The following RBMS3 variants were observed in gnomAD, a reference collection of about 807,000 sequenced individuals.
The protein encoded by RBMS3 is RNA-binding motif, single-stranded-interacting protein 3.
Under a neutral mutation model 66.8 loss-of-function variants are expected in RBMS3, and 27 were observed. That is an observed-to-expected ratio of 0.40 (90% CI 0.30 to 0.56). The LOEUF is 0.56. Ranked by LOEUF, RBMS3 falls within the 20% of genes least tolerant of loss-of-function variation. The pLI, the probability that RBMS3 is intolerant of heterozygous loss-of-function variation, is 0.40. For missense variants in RBMS3, 513 were observed against 549.5 expected, an observed-to-expected ratio of 0.93 and a Z score of 0.66; for synonymous variants, 188 against 183.0, an observed-to-expected ratio of 1.03 and a Z score of -0.22.
chr3:29,388,111 A>ACG (rs1491427389), intron 1 of RBMS3, among the ~76,000 whole-genome samples: 96 of 140,110 alleles, frequency 6.9e-4, no homozygotes, highest in Middle Eastern at 3.6e-3. Context: ...ACACACACAC[A>ACG]TGTGTGTGTA....
chr3:29,793,909 C>T (rs2057094003), intron 6 of RBMS3, among the ~76,000 whole-genome samples: 1 of 152,184 alleles, frequency 6.6e-6, no homozygotes, highest in South Asian at 2.1e-4. Context: ...TCATGAATCG[C>T]TTGGTGCTAC....
At chr3:29,330,743 G>A (rs1003672780) in intron 1 of RBMS3, among the ~76,000 whole-genome samples, 1 of 152,184 alleles carries the variant, frequency 6.6e-6, no homozygotes, top group African/African-American at 2.4e-5. Context: ...TGCTTCTAGA[G>A]GGGGAATAAT....
chr3:29,697,649 T>C (rs1014794669), intron 4 of RBMS3, among the ~76,000 whole-genome samples: 9 of 152,254 alleles, frequency 5.9e-5, no homozygotes, highest in African/African-American at 2.2e-4. Context: ...CAATGAGATA[T>C]TCTGGGTATG....
chr3:29,306,056 G>T (rs949651860), intron 1 of RBMS3, among the ~76,000 whole-genome samples: 4 of 152,044 alleles, frequency 2.6e-5, no homozygotes, highest in Admixed American at 1.3e-4. Flanking sequence ...CCCATCTGTT[G>T]CTTGACATAT....
At chr3:29,281,826 C>T in intron 1 of RBMS3, 70 bp downstream of exon 1, 14 of 1,336,584 alleles carry the variant, frequency 1.0e-5, no homozygotes, top group Non-Finnish European at 1.5e-5. Flanking sequence ...AACAGACAGG[C>T]GTGTGAATTA....
chr3:29,973,708 T>C (rs114637829), intron 12 of RBMS3, among the ~76,000 whole-genome samples: 1 of 151,980 alleles, frequency 6.6e-6, no homozygotes, highest in Admixed American at 6.6e-5. Flanking sequence ...CTCTATTCTA[T>C]CCTAGAATTT....
rs1329243144 is a variant in RBMS3 at position 29,519,580 on chromosome 3, T to C, written c.307+31081T>C. ...GAACTCAGAGGTCAACCAACAGAAC[T>C]CAAATCTTAGTTAACTAATTGACTG... On this transcript the variant is annotated intron_variant, in intron 3 of 14. Coordinates refer to ENST00000383767, the MANE Select transcript of RBMS3 (RefSeq NM_001003793.3). 2.0e-5 allele frequency among the ~76,000 whole-genome samples: 3 copies of C among 152,112 alleles called. No individual in the cohort carries two copies. The East Asian group carries it at 5.8e-4, about 29-fold the overall frequency.
At chr3:29,478,045 AG>A (rs2043010606) in intron 2 of RBMS3, among the ~76,000 whole-genome samples, 1 of 152,178 alleles carries the variant, frequency 6.6e-6, no homozygotes, top group Non-Finnish European at 1.5e-5. Flanking sequence ...CTGGGATTAC[AG>A]GTGTGAGCCA....
chr3:29,369,059 G>A (rs1362624910), intron 1 of RBMS3, among the ~76,000 whole-genome samples: 1 of 152,036 alleles, frequency 6.6e-6, no homozygotes, highest in Non-Finnish European at 1.5e-5. Context: ...ACTAAAGCAG[G>A]AACAACAAGC....
In RBMS3 at chr3:29,425,218, A is replaced by AC. The variant is rs1553601576; in HGVS notation, c.76-9525_76-9524insC. Among the ~76,000 whole-genome samples the AC allele has an allele frequency of 6.1e-3, 698 of 114,814 alleles. 5 individuals are homozygous for AC. The highest frequency in any genetic ancestry group is 0.018 in the African/African-American group (658 of 36,152). 75.3% of individuals were successfully genotyped at this position (114,814 alleles called of 152,430 possible). ...AAAAAAAAACCCCCCAAAAAAAACA[A>AC]AAAAAAAAAAACAGGCGTGGTGTCA... is the stretch of plus-strand genomic sequence containing the variant. On this transcript the variant is annotated intron_variant, in intron 1 of 14. Transcript: ENST00000383767.
chr3:29,779,093 A>G (rs1317840394), intron 6 of RBMS3, among the ~76,000 whole-genome samples: 1 of 151,816 alleles, frequency 6.6e-6, no homozygotes, highest in Non-Finnish European at 1.5e-5. Flanking sequence ...CACTCATTCT[A>G]ATTTTCAGAA....
chr3:29,571,823 T>C (rs552365453), intron 3 of RBMS3, among the ~76,000 whole-genome samples: 18 of 152,306 alleles, frequency 1.2e-4, no homozygotes, highest in South Asian at 2.1e-4. Context: ...GTCATTGGTA[T>C]ATTGATAGGG....
At chr3:29,928,205 T>TACACACACACAC (rs1348801229) in intron 10 of RBMS3, among the ~76,000 whole-genome samples, 1 of 112,440 alleles carries the variant, frequency 8.9e-6, no homozygotes, top group African/African-American at 3.5e-5. Flanking sequence ...TATATATATA[T>TACACACACACAC]ATATATACAC....
chr3:29,356,204 T>C (rs2037213257), intron 1 of RBMS3, among the ~76,000 whole-genome samples: 1 of 152,158 alleles, frequency 6.6e-6, no homozygotes, highest in South Asian at 2.1e-4. Context: ...TGTTTCAAAA[T>C]TACTCTTGAG....
At chr3:29,872,787 G>T (rs968362230) in intron 7 of RBMS3, among the ~76,000 whole-genome samples, 1 of 152,086 alleles carries the variant, frequency 6.6e-6, no homozygotes, top group East Asian at 1.9e-4. Context: ...GTAAGGGAGG[G>T]GTCCAGCTTC....
intron 4 of RBMS3, among the ~76,000 whole-genome samples, chr3:29,612,063 A>C (rs2048509948): frequency 6.6e-6 from 1 of 152,054 alleles, no homozygotes; most frequent in African/African-American, 2.4e-5. Flanking sequence ...GTAATGAAGA[A>C]AATTATAATA....
chr3:29,814,654 T>A (rs2057827382), intron 6 of RBMS3, among the ~76,000 whole-genome samples: 3 of 152,226 alleles, frequency 2.0e-5, no homozygotes, highest in Admixed American at 1.3e-4. Context: ...TGCCACAATT[T>A]CAGCTCCTGT....
At chr3:29,711,680 A>G (rs1236130390) in intron 4 of RBMS3, among the ~76,000 whole-genome samples, 1 of 152,132 alleles carries the variant, frequency 6.6e-6, no homozygotes, top group Admixed American at 6.5e-5. Context: ...TTTCTCCTTC[A>G]AGGGTCACTT....
intron 1 of RBMS3, among the ~76,000 whole-genome samples, chr3:29,321,769 C>G (rs2035020707): frequency 6.6e-6 from 1 of 152,018 alleles, no homozygotes; most frequent in African/African-American, 2.4e-5. Flanking sequence ...CTGTGAAGGT[C>G]AAAGCCACCA....
Sources: allele counts gnomAD v4.1 joint callset (sites outside exome capture counted in the v4.1 genomes callset), GRCh38; gene constraint gnomAD v4.1.1; transcripts MANE v1.5; gene names NCBI Gene and HGNC (gene_info 2026-07-23, HGNC 2026-07-21).